The following CHMP7 variants were observed in gnomAD, a reference collection of about 807,000 sequenced individuals.
CHMP7 encodes charged multivesicular body protein 7, also known as CHMP family, member 7.
A neutral mutation model predicts 53.7 loss-of-function variants in CHMP7; 15 were observed. That is an observed-to-expected ratio of 0.28 (90% CI 0.19 to 0.43). The LOEUF is 0.43. CHMP7 is among the 20% of genes least tolerant of loss of function. The pLI is 1.00. For synonymous variants in CHMP7, 261 were observed against 228.0 expected, an observed-to-expected ratio of 1.14 and a Z score of -1.30; for missense variants, 527 against 569.4, an observed-to-expected ratio of 0.93 and a Z score of 0.76.
chr8:23,258,479 G>C, intron 7 of CHMP7, 30 bp downstream of exon 7: 1 of 1,613,344 alleles, frequency 6.2e-7, no homozygotes, highest in Non-Finnish European at 8.5e-7. Context: ...CCAGCACTTG[G>C]CTGGTCTCTC....
Position 23,257,840 on chromosome 8 carries a change from C to T in CHMP7, c.792-193C>T, listed in dbSNP as rs1802200731. On this transcript the variant is annotated intron_variant, in intron 5 of 10. Coordinates refer to ENST00000397677, the MANE Select transcript of CHMP7 (RefSeq NM_152272.5). The stretch of plus-strand genomic sequence containing the variant: ...CTTATCCTTAGTCAGCCTGCTTGAG[C>T]CTGCCACAACAGACTGTCAACAGAC... 2.0e-5 allele frequency among the ~76,000 whole-genome samples: 3 copies of T among 152,318 alleles called. No individual in the cohort carries two copies. In the South Asian group the frequency reaches 6.2e-4, roughly 32 times the overall value.
At position 23,260,590 on chromosome 8, in the gene CHMP7, G is replaced by C; in HGVS notation, c.1353G>C (p.Lys451Asn). The C allele has an allele frequency of 6.2e-7, 1 of 1,613,794 alleles. No homozygotes were observed. Among genetic ancestry groups the C allele is most frequent in the Non-Finnish European group, 8.5e-7 (1 of 1,179,618 alleles). Residue 451 changes from lysine to asparagine, a missense_variant, in exon 11 of 11, where the codon AAG becomes AAC. By Grantham distance (94) the Lys-to-Asn change is moderately conservative. Transcript: ENST00000397677. ...AAAGGCAATTGGAACCGACTCTAAA[G>C]CCATTGTAGGACCCTCAAGTGAAGG... is the stretch of plus-strand genomic sequence containing the variant. The part of the protein sequence containing the change: ...SPKRQLEPTL[K>N]PL
At position 23,258,417 on chromosome 8, in the gene CHMP7, G is replaced by T; in HGVS notation, c.928G>T (p.Asp310Tyr). ...AKLDTVQGIL[D>Y]RIYASQTDQM... ...GCTGGACACTGTTCAAGGCATCCTG[G>T]ACCGGATCTATGCCTCCCAGACAGA... is the stretch of plus-strand genomic sequence containing the variant. Residue 310 changes from aspartate (D) to tyrosine (Y), a missense_variant, in exon 7 of 11, where the codon GAC (aspartate) becomes TAC (tyrosine). Physicochemically the swap from Asp to Tyr is radical, Grantham distance 160. Coordinates refer to ENST00000397677, the MANE Select transcript of CHMP7 (RefSeq NM_152272.5). 6.2e-7 allele frequency: 1 copy of T among 1,614,078 alleles called. No homozygotes were observed. The highest frequency in any genetic ancestry group is 1.1e-5 in the South Asian group (1 of 91,060).
intron 5 of CHMP7, among the ~76,000 whole-genome samples, chr8:23,257,396 G>A (rs577152346): frequency 6.6e-6 from 1 of 152,288 alleles, no homozygotes; most frequent in East Asian, 1.9e-4. Context: ...GTGCCCAGCT[G>A]AAAACGTGAG....
chr8:23,259,977 C>G, intron 9 of CHMP7, 167 bp from the exon 10 acceptor site: 1 of 603,192 alleles, frequency 1.7e-6, no homozygotes. Context: ...GTGGAAGAAT[C>G]ATCTCTGCTT....
intron 3 of CHMP7, among the ~76,000 whole-genome samples, chr8:23,253,951 G>C (rs1158394562): frequency 6.6e-6 from 1 of 152,074 alleles, no homozygotes; most frequent in Non-Finnish European, 1.5e-5. Flanking sequence ...TTCCTTCAGT[G>C]ACCACCCACC....
At chr8:23,253,639 A>G (rs1325436864) in intron 3 of CHMP7, among the ~76,000 whole-genome samples, 3 of 152,220 alleles carry the variant, frequency 2.0e-5, no homozygotes, top group African/African-American at 7.2e-5. Flanking sequence ...TTTTGTCTTT[A>G]CTTTAAACTA....
intron 2 of CHMP7, among the ~76,000 whole-genome samples, chr8:23,248,494 T>C (rs1189083187): frequency 6.6e-6 from 1 of 152,240 alleles, no homozygotes; most frequent in East Asian, 1.9e-4. Flanking sequence ...CCGGCTGGCC[T>C]AGGCCTGAAT....
chr8:23,258,102 G>C, intron 6 of CHMP7, 21 bp downstream of exon 6: 1 of 1,606,438 alleles, frequency 6.2e-7, no homozygotes, highest in Non-Finnish European at 8.5e-7. Flanking sequence ...GTCTCCTCCA[G>C]ACCCATAGCA....
At chr8:23,250,849 C>T (rs1042969942) in intron 3 of CHMP7, among the ~76,000 whole-genome samples, 1 of 152,148 alleles carries the variant, frequency 6.6e-6, no homozygotes, top group African/African-American at 2.4e-5. Flanking sequence ...GAGACTCCAG[C>T]CCACTCTGCC....
intron 1 of CHMP7, among the ~76,000 whole-genome samples, chr8:23,244,193 G>A (rs1431744208): frequency 6.6e-6 from 1 of 152,082 alleles, no homozygotes; most frequent in African/African-American, 2.4e-5. Context: ...CATGGATTAT[G>A]CTTTTTGTGT....
chr8:23,250,962 A>G (rs1415151715), intron 3 of CHMP7, among the ~76,000 whole-genome samples: 1 of 152,186 alleles, frequency 6.6e-6, no homozygotes, highest in Non-Finnish European at 1.5e-5. Context: ...CCTCTGCTCC[A>G]TCTGCACCCC....
Position 23,260,235 on chromosome 8 carries a change from T to C in CHMP7, c.1212T>C (p.Asn404=), listed in dbSNP as rs139217760. The C allele has an allele frequency of 2.1e-5, 34 of 1,614,074 alleles. No individual in the cohort carries two copies. In the African/African-American group the frequency reaches 3.2e-4, roughly 15 times the overall value. The stretch of plus-strand genomic sequence containing the variant: ...TGGATCTGCCTGACAACCCCCGCAA[T>C]AGGCATTTTACCAACAGCGTGCCTA... ...EPLDLPDNPR[N]RHFTNSVPNP... The change falls in exon 10 of 11, where the codon AAT becomes AAC. Residue 404 remains asparagine (N), a synonymous_variant. Coordinates refer to ENST00000397677, the MANE Select transcript of CHMP7 (RefSeq NM_152272.5).
rs1339486934 is a variant in CHMP7, at chr8:23,246,543, C to T, written c.-153C>T. 1 of 652,918 alleles carries T rather than the reference C, an allele frequency of 1.5e-6. No individual in the cohort carries two copies. The highest frequency in any genetic ancestry group is 2.6e-6 in the Non-Finnish European group (1 of 384,764). 40.4% of individuals were successfully genotyped at this position (652,918 alleles called of 1,614,324 possible). On this transcript the variant is annotated 5_prime_UTR_variant, in exon 2 of 11. Transcript: ENST00000397677. ...ACGGAGCGCAGCGCAACGCATGCGC[C>T]TTGAAGACTTATGGAACTTATTTCA... is the stretch of plus-strand genomic sequence containing the variant.
intron 5 of CHMP7, among the ~76,000 whole-genome samples, chr8:23,257,541 TC>T (rs1802186296): frequency 1.3e-5 from 2 of 152,184 alleles, no homozygotes; most frequent in Admixed American, 1.3e-4. Context: ...ACAAGACAGG[TC>T]CCTGCCTTTG....
rs1802419491 is a variant in CHMP7, at chr8:23,261,997, C to T, written c.*1398C>T. The T allele has an allele frequency of 6.6e-6, 1 of 152,282 alleles. No homozygotes were observed. 9.4% of individuals were successfully genotyped at this position (152,282 alleles called of 1,614,324 possible). A position where few individuals can be genotyped will look rare whatever the true frequency, so the allele number is the denominator to read the frequency against. On this transcript the variant is annotated 3_prime_UTR_variant, in exon 11 of 11. Transcript: ENST00000397677. ...AAATAATTAAAAGAAAAACCGAACA[C>T]TTGTCCCGTCTCCTCTTTAGGTTTT...
chr8:23,259,226 T>C (rs557116336), intron 9 of CHMP7, 100 bp downstream of exon 9: 6 of 607,482 alleles, frequency 9.9e-6, no homozygotes, highest in African/African-American at 3.9e-5. Context: ...TGGAGTGCAG[T>C]GGCGGGATCT....
chr8:23,248,228 C>A (rs1469213168), intron 2 of CHMP7: 1 of 456,012 alleles, frequency 2.2e-6, no homozygotes, highest in African/African-American at 2.0e-5. Flanking sequence ...GAATGGGCCT[C>A]CTTACTGTAT....
chr8:23,247,895 C>T, intron 2 of CHMP7: 1 of 361,250 alleles, frequency 2.8e-6, no homozygotes, highest in South Asian at 2.1e-5. Context: ...AGAAAGTCAA[C>T]TCTGATGTTT....
Sources: gnomAD v4.1 joint callset for allele counts (sites outside exome capture counted in the v4.1 genomes callset) on GRCh38, gnomAD v4.1.1 for gene constraint, MANE v1.5 for transcripts, NCBI Gene and HGNC (gene_info 2026-07-23, HGNC 2026-07-21) for gene names.